SAMD8: variants seen among roughly 807,000 people sequenced by gnomAD.
The protein encoded by SAMD8 is sterile alpha motif domain containing 8.
A neutral mutation model predicts 42.0 loss-of-function variants in SAMD8; 20 were observed. That is an observed-to-expected ratio of 0.48 (90% CI 0.34 to 0.69). SAMD8 has a LOEUF of 0.69. Among genes scored for constraint, SAMD8 ranks in the 30% least tolerant of loss-of-function variants. The pLI is 0.01. For missense variants in SAMD8, 328 were observed against 511.6 expected, an observed-to-expected ratio of 0.64 and a Z score of 3.46; for synonymous variants, 162 against 173.0, an observed-to-expected ratio of 0.94 and a Z score of 0.50.
In SAMD8 at chr10:75,150,694, C is replaced by T; in HGVS notation, c.166C>T (p.Pro56Ser). The change falls in exon 2 of 6, where the codon CCT becomes TCT. Residue 56 changes from proline to serine, a missense_variant. Physicochemically the swap from Pro to Ser is moderately conservative, Grantham distance 74. Around this residue, in one of 2 missense-constraint regions of SAMD8, gnomAD observed 150 missense variants for 186.0 expected, o/e 0.81. Coordinates refer to ENST00000542569, the MANE Select transcript of SAMD8 (RefSeq NM_001174156.2). Reference protein sequence around the residue: ...TLTEYDLRSPPLEIKVLGDIK... With the variant: ...TLTEYDLRSPSLEIKVLGDIK... ...GACTGAATATGATCTCCGGTCTCCT[C>T]CTCTGGAAATCAAAGTCTTAGGGGA... The T allele has an allele frequency of 1.9e-6, 3 of 1,614,130 alleles. No individual in the cohort carries two copies. Among genetic ancestry groups the T allele is most frequent in the Non-Finnish European group, 2.5e-6 (3 of 1,180,036 alleles).
chr10:75,137,223 A>G (rs552454431), intron 1 of SAMD8, among the ~76,000 whole-genome samples: 1 of 152,218 alleles, frequency 6.6e-6, no homozygotes, highest in Non-Finnish European at 1.5e-5. Context: ...TATACATAGA[A>G]GGGGATATTA....
chr10:75,128,721 G>T (rs1247921731), intron 1 of SAMD8, among the ~76,000 whole-genome samples: 3 of 152,192 alleles, frequency 2.0e-5, no homozygotes, highest in East Asian at 1.9e-4. Context: ...TGGTCGGCAG[G>T]GGGTGGGGAA....
chr10:75,144,210 G>T (rs199915435), intron 1 of SAMD8, among the ~76,000 whole-genome samples: 1 of 149,616 alleles, frequency 6.7e-6, no homozygotes, highest in Non-Finnish European at 1.5e-5. Context: ...CCTCGTGACC[G>T]CCTACCTCGG....
intron 2 of SAMD8, 56 bp from the exon 3 acceptor site, chr10:75,164,589 G>A: frequency 1.3e-6 from 2 of 1,578,034 alleles, no homozygotes; most frequent in Admixed American, 1.7e-5. Context: ...ACTGAAAAGG[G>A]TGGCATCATT....
At position 75,179,886 on chromosome 10, in the gene SAMD8, A is replaced by G. The variant is rs1203911599; in HGVS notation, c.*3194A>G. ...TGTAGTTGCAGACTTGTGAAGGCTT[A>G]CATCATCATGGAGACTTTAGTAAGG... On this transcript the variant is annotated 3_prime_UTR_variant, in exon 6 of 6. Transcript: ENST00000542569. 1 of 152,242 alleles carries G rather than the reference A, an allele frequency of 6.6e-6. No individual in the cohort carries two copies. Among genetic ancestry groups the G allele is most frequent in the Non-Finnish European group, 1.5e-5 (1 of 68,044 alleles). The allele number at this position is 152,242 out of a possible 1,614,324, so 9.4% of individuals were successfully genotyped here. A position where few individuals can be genotyped will look rare whatever the true frequency, so the allele number is the denominator to read the frequency against.
intron 1 of SAMD8, among the ~76,000 whole-genome samples, chr10:75,099,967 G>C (rs918869253): frequency 3.3e-5 from 5 of 152,138 alleles, no homozygotes; most frequent in African/African-American, 1.2e-4. Flanking sequence ...GGTGGAGTTG[G>C]GGAAGCCCCC....
chr10:75,149,445 G>A (rs556649528), intron 1 of SAMD8, among the ~76,000 whole-genome samples: 9 of 152,126 alleles, frequency 5.9e-5, no homozygotes, highest in African/African-American at 2.2e-4. Context: ...GCTAAAGTCC[G>A]TGATAGTTTA....
At chr10:75,105,234 T>G (rs1408012996) in intron 1 of SAMD8, among the ~76,000 whole-genome samples, 1 of 151,994 alleles carries the variant, frequency 6.6e-6, no homozygotes, top group East Asian at 1.9e-4. Context: ...TTCAGGAGGG[T>G]CCAGGCTGGC....
rs187255349 is a variant in SAMD8 at position 75,122,378 on chromosome 10, G to A, written c.-16+10656G>A. 2.2e-4 allele frequency among the ~76,000 whole-genome samples: 34 copies of A among 152,166 alleles called. No individual in the cohort carries two copies. In the East Asian group the frequency reaches 5.8e-3, roughly 26 times the overall value. On this transcript the variant is annotated intron_variant, in intron 1 of 5. Transcript: ENST00000542569. ...TGTAATCTCAGCACTTTGGGAGGCC[G>A]AGGCAGGCAGATCACCTGAGGTCAG...
intron 1 of SAMD8, among the ~76,000 whole-genome samples, chr10:75,122,924 T>C (rs1849037399): frequency 6.6e-6 from 1 of 152,226 alleles, no homozygotes. Context: ...TTTTCAAATA[T>C]TGAACCAGCC....
chr10:75,101,422 C>A (rs762799600), intron 1 of SAMD8, among the ~76,000 whole-genome samples: 1 of 152,162 alleles, frequency 6.6e-6, no homozygotes, highest in African/African-American at 2.4e-5. Context: ...AACTTCCCTA[C>A]GGGACAGTGA....
At chr10:75,168,843 G>A (rs1304496002) in intron 4 of SAMD8, among the ~76,000 whole-genome samples, 185 bp downstream of exon 4, 1 of 152,128 alleles carries the variant, frequency 6.6e-6, no homozygotes, top group Non-Finnish European at 1.5e-5. Flanking sequence ...TCTTATTTCT[G>A]TTGAAACTCG....
intron 3 of SAMD8, among the ~76,000 whole-genome samples, chr10:75,168,021 A>C (rs915899612): frequency 1.3e-5 from 2 of 151,460 alleles, no homozygotes; most frequent in African/African-American, 4.9e-5. Flanking sequence ...TTTGAGACGG[A>C]GTTTCACTAT....
chr10:75,170,461 T>C (rs908096546), intron 4 of SAMD8, among the ~76,000 whole-genome samples: 2 of 152,170 alleles, frequency 1.3e-5, no homozygotes, highest in African/African-American at 4.8e-5. Flanking sequence ...AGGCTTAGAC[T>C]GACCAGTAAG....
upstream of SAMD8, among the ~76,000 whole-genome samples, chr10:75,107,313 C>T (rs1848577413): frequency 1.3e-5 from 2 of 150,802 alleles, no homozygotes; most frequent in Admixed American, 1.3e-4. Flanking sequence ...CGCCACTGCA[C>T]TCCAGCTTGG....
upstream of SAMD8, chr10:75,107,900 A>C: frequency 7.2e-7 from 1 of 1,388,570 alleles, no homozygotes; most frequent in African/African-American, 1.4e-5. Context: ...TTTAAAAAGC[A>C]GGGATGGGAG....
chr10:75,153,347 T>C (rs529927584), intron 2 of SAMD8, among the ~76,000 whole-genome samples: 1 of 152,188 alleles, frequency 6.6e-6, no homozygotes, highest in African/African-American at 2.4e-5. Flanking sequence ...TTAGGGCTCA[T>C]ACCTGTGATC....
chr10:75,119,965 A>G (rs1203901608), intron 1 of SAMD8, among the ~76,000 whole-genome samples: 1 of 152,084 alleles, frequency 6.6e-6, no homozygotes, highest in East Asian at 1.9e-4. Context: ...CTACTCGGGA[A>G]GCCGAGGCAA....
intron 1 of SAMD8, among the ~76,000 whole-genome samples, chr10:75,104,258 T>C (rs1161103755): frequency 1.3e-5 from 2 of 152,028 alleles, no homozygotes; most frequent in African/African-American, 4.8e-5. Context: ...GATGAGGAGG[T>C]AGATTTGGTA....
Sources: allele counts gnomAD v4.1 joint callset (sites outside exome capture counted in the v4.1 genomes callset), GRCh38; gene constraint gnomAD v4.1.1; regional missense constraint gnomAD v4.1.1; transcripts MANE v1.5; gene names NCBI Gene and HGNC (gene_info 2026-07-23, HGNC 2026-07-21).